Variants in TRPC4 observed in about 807,000 individuals in gnomAD.
The protein encoded by TRPC4 is transient receptor potential cation channel subfamily C member 4, also known as short transient receptor potential channel 4.
Under a neutral mutation model 99.4 loss-of-function variants are expected in TRPC4, and 49 were observed. That is an observed-to-expected ratio of 0.49 (90% CI 0.39 to 0.63). The LOEUF (loss-of-function observed/expected upper bound fraction) is 0.63. Ranked by LOEUF, TRPC4 falls within the 20% of genes least tolerant of loss-of-function variation. TRPC4 has a pLI of 0.00. For missense variants in TRPC4, 898 were observed against 1,152.9 expected, an observed-to-expected ratio of 0.78 and a Z score of 3.20; for synonymous variants, 454 against 425.9, an observed-to-expected ratio of 1.07 and a Z score of -0.81.
intron 1 of TRPC4, among the ~76,000 whole-genome samples, chr13:37,805,267 T>C (rs1000435813): frequency 1.1e-4 from 16 of 152,022 alleles, no homozygotes; most frequent in African/African-American, 3.9e-4. Context: ...ATGATATGAA[T>C]TTTTGCAATG....
At chr13:37,722,822 A>T (rs1381644817) in intron 3 of TRPC4, among the ~76,000 whole-genome samples, 1 of 152,208 alleles carries the variant, frequency 6.6e-6, no homozygotes, top group Non-Finnish European at 1.5e-5. Flanking sequence ...GCATGAAAAA[A>T]AAAAGATGAA....
intron 1 of TRPC4, among the ~76,000 whole-genome samples, chr13:37,863,518 A>T (rs1462005037): frequency 6.6e-6 from 1 of 151,642 alleles, no homozygotes; most frequent in Admixed American, 6.6e-5. Context: ...ATAAAATTAA[A>T]GAAGACCCAA....
intron 2 of TRPC4, among the ~76,000 whole-genome samples, chr13:37,770,701 AACAT>A (rs1383506317): frequency 1.3e-5 from 2 of 151,618 alleles, no homozygotes; most frequent in Non-Finnish European, 3.0e-5. Context: ...ATGAATTAGC[AACAT>A]TTAACATTAA....
At chr13:37,679,328 T>A (rs2138798397) in intron 4 of TRPC4, among the ~76,000 whole-genome samples, 1 of 152,256 alleles carries the variant, frequency 6.6e-6, no homozygotes, top group South Asian at 2.1e-4. Flanking sequence ...TTAATTTGAA[T>A]GTAGCCAAAA....
chr13:37,842,343 CAAAAAAAAAAAAAAAAAA>C (rs57428116), intron 1 of TRPC4, among the ~76,000 whole-genome samples: 1 of 15,634 alleles, frequency 6.4e-5, no homozygotes, highest in Non-Finnish European at 1.3e-4. Flanking sequence ...AGCGTCTAGC[CAAAAAAAAAAAAAAAAAA>C]AAAAAAAAAG....
chr13:37,767,187 G>A (rs1363313914), intron 2 of TRPC4, among the ~76,000 whole-genome samples: 1 of 151,120 alleles, frequency 6.6e-6, no homozygotes, highest in Non-Finnish European at 1.5e-5. Context: ...TTTGTGGTAT[G>A]TCCAAGCAGT....
intron 2 of TRPC4, among the ~76,000 whole-genome samples, chr13:37,780,068 C>T (rs1188337665): frequency 6.6e-6 from 1 of 152,046 alleles, no homozygotes; most frequent in East Asian, 1.9e-4. Context: ...GGTGTCTCCT[C>T]CTCAGGGCCC....
At chr13:37,741,387 C>T (rs1418843645) in intron 3 of TRPC4, among the ~76,000 whole-genome samples, 2 of 152,168 alleles carry the variant, frequency 1.3e-5, no homozygotes, top group Non-Finnish European at 2.9e-5. Flanking sequence ...CAGTCGTCCT[C>T]GCCTTTATGT....
intron 10 of TRPC4, among the ~76,000 whole-genome samples, 156 bp from the exon 11 acceptor site, chr13:37,637,781 C>T (rs1027497325): frequency 2.6e-5 from 4 of 152,120 alleles, no homozygotes; most frequent in African/African-American, 7.2e-5. Context: ...AGTTCTCTCA[C>T]GGATACTTGA....
At chr13:37,779,569 A>C (rs1956786776) in intron 2 of TRPC4, among the ~76,000 whole-genome samples, 1 of 152,036 alleles carries the variant, frequency 6.6e-6, no homozygotes, top group Admixed American at 6.6e-5. Context: ...AAAATCATTT[A>C]ATATACTAAA....
rs550593975 is a variant in TRPC4, at chr13:37,750,432, C to A, written c.379-3977G>T. Among the ~76,000 whole-genome samples, 30 of 151,906 alleles carry A rather than the reference C, an allele frequency of 2.0e-4. 1 individual carries two copies. The South Asian group carries it at 5.2e-3, about 26-fold the overall frequency. ...GTTGGTTTTATTTATTATATTTATG[C>A]CATTTGCAAATAACTTTTTTATTTA... On this transcript the variant is annotated intron_variant, in intron 2 of 10. Transcript: ENST00000379705.
intron 1 of TRPC4, among the ~76,000 whole-genome samples, chr13:37,798,631 AT>A (rs1424069810): frequency 6.6e-6 from 1 of 152,134 alleles, no homozygotes; most frequent in Non-Finnish European, 1.5e-5. Context: ...TCAATCAAAT[AT>A]TTTGTCTACA....
chr13:37,767,006 AG>A (rs1956391717), intron 2 of TRPC4, among the ~76,000 whole-genome samples: 1 of 151,530 alleles, frequency 6.6e-6, no homozygotes. Flanking sequence ...ATAAAATTTT[AG>A]ATTATGAATA....
At chr13:37,770,439 T>C (rs1373170170) in intron 2 of TRPC4, among the ~76,000 whole-genome samples, 3 of 151,524 alleles carry the variant, frequency 2.0e-5, no homozygotes, top group African/African-American at 7.3e-5. Flanking sequence ...GCAGACTAAG[T>C]TGGGAATAAA....
intron 1 of TRPC4, among the ~76,000 whole-genome samples, chr13:37,807,513 A>C (rs1957555220): frequency 6.6e-6 from 1 of 152,028 alleles, no homozygotes; most frequent in African/African-American, 2.4e-5. Context: ...ATAATCATGA[A>C]TTTTAGTATC....
intron 3 of TRPC4, among the ~76,000 whole-genome samples, chr13:37,697,546 G>A (rs1298292396): frequency 3.3e-5 from 5 of 152,174 alleles, no homozygotes; most frequent in Non-Finnish European, 4.4e-5. Context: ...CTAGAAGGTT[G>A]TAACCAATTG....
intron 8 of TRPC4, among the ~76,000 whole-genome samples, chr13:37,644,731 G>C (rs1224406533): frequency 1.3e-5 from 2 of 151,910 alleles, no homozygotes; most frequent in Non-Finnish European, 2.9e-5. Flanking sequence ...AAATTTGCCA[G>C]GTGTGGTGGC....
chr13:37,651,249 C>CA lies in TRPC4; in HGVS notation c.2079+15dup. The CA allele has an allele frequency of 6.2e-7, 1 of 1,613,610 alleles. No homozygotes were observed. The highest frequency in any genetic ancestry group is 1.3e-5 in the African/African-American group (1 of 75,008). ...CAATTTAAAAAAAGAGTAATACTAA[C>CA]ATGCTGTGTTCTTACCCCTATTGTT... On this transcript the variant is annotated intron_variant, in intron 8 of 10. Coordinates refer to ENST00000379705, the MANE Select transcript of TRPC4 (RefSeq NM_016179.4).
chr13:37,868,720 G>A, intron 1 of TRPC4, among the ~76,000 whole-genome samples: 1 of 151,706 alleles, frequency 6.6e-6, no homozygotes. Flanking sequence ...GCAACTTGCT[G>A]CATTTTATAG....
Sources: gnomAD v4.1 joint callset for allele counts (sites outside exome capture counted in the v4.1 genomes callset) on GRCh38, gnomAD v4.1.1 for gene constraint, MANE v1.5 for transcripts, NCBI Gene and HGNC (gene_info 2026-07-23, HGNC 2026-07-21) for gene names.